The following GLIPR1L1 variants were observed in gnomAD, a reference collection of about 807,000 sequenced individuals.
GLIPR1L1 encodes GLIPR1 like 1.
Under a neutral mutation model 29.9 loss-of-function variants are expected in GLIPR1L1, and 26 were observed. That is an observed-to-expected ratio of 0.87 (90% CI 0.64 to 1.21). GLIPR1L1 has a LOEUF of 1.21. Among genes scored for constraint, GLIPR1L1 ranks in the 50% most tolerant of loss-of-function variants. GLIPR1L1 has a pLI of 0.00. For missense variants in GLIPR1L1, 305 were observed against 290.3 expected (o/e 1.05, Z -0.37); for synonymous variants, 77 against 97.5 (o/e 0.79, Z 1.24).
In GLIPR1L1 at chr12:75,370,151, G is replaced by A; in HGVS notation, c.704G>A (p.Gly235Asp). The A allele has an allele frequency of 6.3e-7, 1 of 1,588,658 alleles. No individual in the cohort carries two copies. The highest frequency in any genetic ancestry group is 8.6e-7 in the Non-Finnish European group (1 of 1,159,042). Reference sequence around the variant, plus strand: ...ACAGCCTTTAATCCATTCAGCTTAGGTTTTCTTCTTCTGAGAATCTTTTAA... The same window carrying A: ...ACAGCCTTTAATCCATTCAGCTTAGATTTTCTTCTTCTGAGAATCTTTTAA... ...QQTAFNPFSL[G>D]FLLLRIF Residue 235 changes from glycine (G) to aspartate (D), a missense_variant, in exon 6 of 6, where the codon GGT becomes GAT. By Grantham distance (94) the Gly-to-Asp change is moderately conservative (BLOSUM62 -1). Coordinates refer to ENST00000378695, the MANE Select transcript of GLIPR1L1 (RefSeq NM_001304964.2).
intron 3 of GLIPR1L1, among the ~76,000 whole-genome samples, chr12:75,355,928 T>G (rs924159066): frequency 2.6e-5 from 4 of 151,992 alleles, no homozygotes; most frequent in African/African-American, 9.7e-5. Context: ...AGCTGAACAA[T>G]GGGAACGCTT....
At chr12:75,343,972 A>T (rs375173844) in intron 2 of GLIPR1L1, 34 bp downstream of exon 2, 22 of 1,506,810 alleles carry the variant, frequency 1.5e-5, no homozygotes, top group Admixed American at 2.0e-5. Flanking sequence ...ATTAGTTCTT[A>T]TTTGTGCATA....
chr12:75,341,508 G>A (rs2139315034), intron 1 of GLIPR1L1, among the ~76,000 whole-genome samples: 1 of 152,034 alleles, frequency 6.6e-6, no homozygotes, highest in East Asian at 1.9e-4. Flanking sequence ...ATGCAGTGGC[G>A]CTGTCTCGGC....
intron 4 of GLIPR1L1, chr12:75,369,541 GA>G (rs1345290461): frequency 1.1e-5 from 11 of 982,266 alleles, no homozygotes; most frequent in Non-Finnish European, 1.3e-5. Flanking sequence ...GTTTGATGTG[GA>G]AAAGACATCG....
At chr12:75,353,514 A>T (rs746144559) in intron 3 of GLIPR1L1, among the ~76,000 whole-genome samples, 36 of 152,204 alleles carry the variant, frequency 2.4e-4, no homozygotes, top group Non-Finnish European at 4.6e-4. Flanking sequence ...CAGCCTATCA[A>T]CCAAAAACAG....
At chr12:75,340,641 A>G (rs946463542) in intron 1 of GLIPR1L1, among the ~76,000 whole-genome samples, 1 of 151,944 alleles carries the variant, frequency 6.6e-6, no homozygotes, top group Non-Finnish European at 1.5e-5. Flanking sequence ...GGAAGATGAG[A>G]GGACAAACTA....
intron 4 of GLIPR1L1, among the ~76,000 whole-genome samples, chr12:75,364,431 C>CA (rs2043828557): frequency 6.6e-6 from 1 of 152,228 alleles, no homozygotes; most frequent in Non-Finnish European, 1.5e-5. Flanking sequence ...GTCAGGGTGG[C>CA]ATGGCTGCCT....
intron 4 of GLIPR1L1, among the ~76,000 whole-genome samples, chr12:75,369,107 G>GT: frequency 6.6e-6 from 1 of 151,868 alleles, no homozygotes; most frequent in African/African-American, 2.4e-5. Flanking sequence ...AGTTATATAT[G>GT]TAGACCTTGG....
chr12:75,349,064 G>C (rs570786766), intron 3 of GLIPR1L1, among the ~76,000 whole-genome samples: 170 of 152,072 alleles, frequency 1.1e-3, no homozygotes, highest in Non-Finnish European at 2.0e-3. Context: ...AGAGAAAAGA[G>C]AACTACACAC....
In GLIPR1L1 at chr12:75,343,844, C is replaced by T; in HGVS notation, c.326C>T (p.Thr109Ile). 3.1e-6 allele frequency: 5 copies of T among 1,612,864 alleles called. No individual in the cohort carries two copies. The highest frequency in any genetic ancestry group is 4.2e-6 in the Non-Finnish European group (5 of 1,179,016). The change falls in exon 2 of 6, where the codon ACA becomes ATA. Residue 109 changes from threonine to isoleucine, a missense_variant. Thr to Ile is a moderately conservative substitution (Grantham distance 89). Transcript: ENST00000378695. ...TGGTTAGGTGGAATAAAGTCATTCA[C>T]ACCAAGACATGCCATTACGGCTTGG... ...NIWLGGIKSF[T>I]PRHAITAWYN...
chr12:75,346,135 C>T lies in GLIPR1L1; in HGVS notation c.421-1487C>T, dbSNP rs958141379. The stretch of plus-strand genomic sequence containing the variant: ...CCTACATAGTGAATATTTATTCTCA[C>T]GATTCCAAAAGCCCCAAAAAGTCAC... On this transcript the variant is annotated intron_variant, in intron 2 of 5. Transcript: ENST00000378695. 3.9e-5 allele frequency among the ~76,000 whole-genome samples: 6 copies of T among 152,038 alleles called. No homozygotes were observed. In the South Asian group the frequency reaches 6.2e-4, roughly 16 times the overall value.
chr12:75,348,872 T>C (rs954790796), intron 3 of GLIPR1L1, among the ~76,000 whole-genome samples: 4 of 152,152 alleles, frequency 2.6e-5, no homozygotes, highest in African/African-American at 7.2e-5. Context: ...CCGTGATCTC[T>C]GAAAAATAAC....
intron 3 of GLIPR1L1, among the ~76,000 whole-genome samples, chr12:75,361,772 A>C (rs891049426): frequency 2.0e-5 from 3 of 152,112 alleles, no homozygotes; most frequent in African/African-American, 7.2e-5. Context: ...GCATGAGGGA[A>C]ACCACCCCCA....
chr12:75,355,357 G>C (rs546857703), intron 3 of GLIPR1L1, among the ~76,000 whole-genome samples: 5 of 152,066 alleles, frequency 3.3e-5, no homozygotes, highest in Non-Finnish European at 7.4e-5. Context: ...TGCAGCCAAC[G>C]AACTATAAAA....
At chr12:75,362,366 A>C (rs1318469394) in intron 3 of GLIPR1L1, among the ~76,000 whole-genome samples, 3 of 152,154 alleles carry the variant, frequency 2.0e-5, no homozygotes, top group Non-Finnish European at 4.4e-5. Flanking sequence ...GCTGGGGACA[A>C]TGTGAGGGCC....
chr12:75,335,880 T>A (rs536013623), intron 1 of GLIPR1L1, among the ~76,000 whole-genome samples: 1 of 152,008 alleles, frequency 6.6e-6, no homozygotes, highest in East Asian at 1.9e-4. Flanking sequence ...CTAATATTAG[T>A]ATTAATATGG....
chr12:75,346,921 T>C (rs892525244), intron 2 of GLIPR1L1, among the ~76,000 whole-genome samples: 1 of 152,164 alleles, frequency 6.6e-6, no homozygotes, highest in African/African-American at 2.4e-5. Flanking sequence ...CCAGTATTTT[T>C]TTCCCTTTTT....
At chr12:75,346,547 C>T (rs1162646132) in intron 2 of GLIPR1L1, among the ~76,000 whole-genome samples, 11 of 152,222 alleles carry the variant, frequency 7.2e-5, no homozygotes, top group South Asian at 2.1e-4. Flanking sequence ...CATGCCACCA[C>T]GCTCAGCTAG....
At chr12:75,358,819 T>C (rs914218535) in intron 3 of GLIPR1L1, among the ~76,000 whole-genome samples, 39 of 144,298 alleles carry the variant, frequency 2.7e-4, no homozygotes, top group East Asian at 1.8e-3. Context: ...TATGTTTAAA[T>C]ATATATAATA....
Sources: allele counts gnomAD v4.1 joint callset (sites outside exome capture counted in the v4.1 genomes callset), GRCh38; gene constraint gnomAD v4.1.1; transcripts MANE v1.5; gene names NCBI Gene and HGNC (gene_info 2026-07-23, HGNC 2026-07-21).